SFMBT2: variants seen among roughly 807,000 people sequenced by gnomAD.
The protein encoded by SFMBT2 is Scm like with four mbt domains 2.
A neutral mutation model predicts 110.1 loss-of-function variants in SFMBT2; 38 were observed. The ratio of observed to expected loss-of-function variants is 0.35; its 90% CI spans 0.27 to 0.45. SFMBT2 has a LOEUF of 0.45. Ranked by LOEUF, SFMBT2 falls within the 20% of genes least tolerant of loss-of-function variation. The pLI, the probability that SFMBT2 is intolerant of heterozygous loss-of-function variation, is 1.00. For synonymous variants in SFMBT2, 425 were observed against 425.4 expected (o/e 1.00, Z 0.01); for missense variants, 1,011 against 1,094.9 (o/e 0.92, Z 1.08).
chr10:7,342,921 AAGG>A (rs34818841), intron 4 of SFMBT2, among the ~76,000 whole-genome samples: 8,216 of 152,160 alleles, frequency 0.054, 308 homozygotes, highest in Non-Finnish European at 0.085. Flanking sequence ...TTGTGGGGAG[AAGG>A]AGGAGATACA....
chr10:7,381,538 A>C (rs1845421969), intron 2 of SFMBT2, among the ~76,000 whole-genome samples: 1 of 152,220 alleles, frequency 6.6e-6, no homozygotes. Flanking sequence ...GGTGATTTGT[A>C]GACGTTTCCT....
intron 2 of SFMBT2, among the ~76,000 whole-genome samples, chr10:7,380,382 T>C (rs1186268999): frequency 2.0e-5 from 3 of 152,322 alleles, no homozygotes; most frequent in South Asian, 4.1e-4. Flanking sequence ...CCTTCCCTCA[T>C]GTGAGGGTTT....
Position 7,408,531 on chromosome 10 carries a change from C to T in SFMBT2, c.-52+2330G>A, listed in dbSNP as rs1255067817. On this transcript the variant is annotated intron_variant, in intron 1 of 20. Transcript: ENST00000397167. The surrounding 1 kb of genome is among the most constrained non-coding windows in gnomAD (Gnocchi z 5.7). ...CCTGGCCGCTGCCAGATCAGGTTCG[C>T]GGGCCCGGAGGAGGTCCTCCCACCT... Among the ~76,000 whole-genome samples, 1 of 152,226 alleles carries T rather than the reference C, an allele frequency of 6.6e-6. No individual in the cohort carries two copies. Among genetic ancestry groups the T allele is most frequent in the Non-Finnish European group, 1.5e-5 (1 of 68,034 alleles).
intron 1 of SFMBT2, among the ~76,000 whole-genome samples, chr10:7,384,763 A>G (rs966253355): frequency 8.5e-5 from 13 of 152,202 alleles, no homozygotes; most frequent in Non-Finnish European, 1.6e-4. Context: ...AACCCTCCGA[A>G]TGATGGACAG....
chr10:7,335,582 A>AACACACACACAC (rs3065781), intron 4 of SFMBT2, among the ~76,000 whole-genome samples: 171 of 142,980 alleles, frequency 1.2e-3, no homozygotes, highest in African/African-American at 1.9e-3. Flanking sequence ...CAGAAACAGA[A>AACACACACACAC]ACACACACAC....
At chr10:7,334,453 A>C (rs886195822) in intron 4 of SFMBT2, among the ~76,000 whole-genome samples, 3 of 152,284 alleles carry the variant, frequency 2.0e-5, no homozygotes, top group Admixed American at 6.5e-5. Context: ...ACTGTACCAA[A>C]ATGGAACAAT....
chr10:7,304,017 G>T (rs1763741937), intron 4 of SFMBT2, among the ~76,000 whole-genome samples: 1 of 152,180 alleles, frequency 6.6e-6, no homozygotes, highest in Admixed American at 6.5e-5. Flanking sequence ...GATAAATGAA[G>T]TGCTCTCTGC....
At chr10:7,174,235 G>A (rs960458295) in intron 17 of SFMBT2, among the ~76,000 whole-genome samples, 4 of 152,220 alleles carry the variant, frequency 2.6e-5, no homozygotes, top group Non-Finnish European at 5.9e-5. Context: ...ATAAACTGCC[G>A]TGGGCGAGCA....
chr10:7,322,556 A>C (rs141246895), intron 4 of SFMBT2, among the ~76,000 whole-genome samples: 5 of 152,246 alleles, frequency 3.3e-5, no homozygotes, highest in Middle Eastern at 3.4e-3. Flanking sequence ...GAAATTCTAG[A>C]AGGAATATAC....
Position 7,205,825 on chromosome 10 carries a change from G to C in SFMBT2, c.1434C>G (p.His478Gln), listed in dbSNP as rs1839113623. Residue 478 changes from histidine (H) to glutamine (Q), a missense_variant, in exon 12 of 21, where the codon CAC (histidine) becomes CAG (glutamine). Transcript: ENST00000397167. Reference sequence around the variant, plus strand: ...CTGGGAACCACTTACAGACTGTTTTGTGTGGTGCAGTCAAAGGATAAGAAT... The same window carrying C: ...CTGGGAACCACTTACAGACTGTTTTCTGTGGTGCAGTCAAAGGATAAGAAT... ...EANSYPLTAPHKTVSQKKRKI... is the reference protein window; with the variant it reads ...EANSYPLTAPQKTVSQKKRKI... The C allele has an allele frequency of 3.1e-6, 5 of 1,614,006 alleles. No individual in the cohort carries two copies. Among genetic ancestry groups the C allele is most frequent in the Non-Finnish European group, 4.2e-6 (5 of 1,179,920 alleles).
At chr10:7,371,487 A>ACAT (rs1427860947) in intron 2 of SFMBT2, among the ~76,000 whole-genome samples, 1 of 152,262 alleles carries the variant, frequency 6.6e-6, no homozygotes, top group Non-Finnish European at 1.5e-5. Context: ...AAATCAAGCA[A>ACAT]TTCCCCAAAC....
At chr10:7,174,205 G>A (rs549694853) in intron 17 of SFMBT2, among the ~76,000 whole-genome samples, 28 of 152,326 alleles carry the variant, frequency 1.8e-4, no homozygotes, top group Admixed American at 9.1e-4. Flanking sequence ...TATAAGGACC[G>A]TGTTACTCAG....
chr10:7,374,110 CA>C (rs1007065922), intron 2 of SFMBT2, among the ~76,000 whole-genome samples: 20 of 151,916 alleles, frequency 1.3e-4, no homozygotes, highest in Middle Eastern at 3.2e-3. Context: ...AAAAATACAC[CA>C]ATTAGCCAGG....
intron 12 of SFMBT2, chr10:7,203,183 A>G: frequency 1.1e-6 from 1 of 895,334 alleles, no homozygotes; most frequent in Middle Eastern, 5.7e-4. Flanking sequence ...ATTCCAACAA[A>G]ACTTCTAAAG....
intron 16 of SFMBT2, among the ~76,000 whole-genome samples, chr10:7,185,306 G>A (rs187241727): frequency 1.2e-4 from 18 of 152,294 alleles, no homozygotes; most frequent in South Asian, 4.1e-4. Context: ...ATACACTTGC[G>A]CAAGGTAAAC....
chr10:7,399,804 C>T (rs1846024298), intron 1 of SFMBT2, among the ~76,000 whole-genome samples: 1 of 152,334 alleles, frequency 6.6e-6, no homozygotes, highest in South Asian at 2.1e-4. Context: ...AGCTTCCTCA[C>T]TCTCATCTCC....
At chr10:7,377,811 C>G (rs1845282811) in intron 2 of SFMBT2, among the ~76,000 whole-genome samples, 1 of 152,204 alleles carries the variant, frequency 6.6e-6, no homozygotes. Context: ...CAGTTCGTAA[C>G]AGCCCATGGA....
intron 1 of SFMBT2, among the ~76,000 whole-genome samples, chr10:7,393,526 G>A (rs72775574): frequency 0.026 from 3,932 of 152,164 alleles, 90 homozygotes; most frequent in Non-Finnish European, 0.038. Flanking sequence ...TGACTTTGTC[G>A]TCCCAGGCAT....
At chr10:7,356,407 G>GTT (rs1844514394) in intron 4 of SFMBT2, among the ~76,000 whole-genome samples, 1 of 151,926 alleles carries the variant, frequency 6.6e-6, no homozygotes, top group Non-Finnish European at 1.5e-5. Context: ...TGTTGTTGTT[G>GTT]TTGTTTTGTT....
Sources: gnomAD v4.1 joint callset for allele counts (sites outside exome capture counted in the v4.1 genomes callset) on GRCh38, gnomAD v4.1.1 for gene constraint, Gnocchi (gnomAD v3.1) non-coding constraint, MANE v1.5 for transcripts, NCBI Gene and HGNC (gene_info 2026-07-23, HGNC 2026-07-21) for gene names.